SNX30: variants seen among roughly 807,000 people sequenced by gnomAD.
SNX30 encodes sorting nexin family member 30, also known as sorting nexin-30.
In SNX30, 24 loss-of-function variants were observed where a neutral mutation model predicts 46.4. That is an observed-to-expected ratio of 0.52 (90% confidence interval 0.37 to 0.73). SNX30 has a LOEUF of 0.73. Ranked by LOEUF, SNX30 falls within the 30% of genes least tolerant of loss-of-function variation. The probability of loss-of-function intolerance (pLI) is 0.00; values close to 1 mark genes in which losing one functional copy is unlikely to be tolerated. For synonymous variants in SNX30, 189 were observed against 211.5 expected (o/e 0.89, Z 0.92); for missense variants, 533 against 555.7 (o/e 0.96, Z 0.41).
chr9:112,776,726 G>C (rs1368361245), intron 1 of SNX30, among the ~76,000 whole-genome samples: 1 of 152,248 alleles, frequency 6.6e-6, no homozygotes, highest in Non-Finnish European at 1.5e-5. Context: ...TAGGGGTGGG[G>C]TAAGTCTGAG....
intron 1 of SNX30, among the ~76,000 whole-genome samples, chr9:112,762,767 G>C (rs549170949): frequency 6.6e-6 from 1 of 152,234 alleles, no homozygotes; most frequent in Non-Finnish European, 1.5e-5. Context: ...GCAAGGCAGC[G>C]AGACAGGGAA....
At chr9:112,884,107 C>G (rs1841615682), downstream of SNX30, among the ~76,000 whole-genome samples, 1 of 152,250 alleles carries the variant, frequency 6.6e-6, no homozygotes, top group African/African-American at 2.4e-5. Context: ...CAGCATCTCC[C>G]TATTGCATCT....
At chr9:112,771,362 A>T (rs574789457) in intron 1 of SNX30, among the ~76,000 whole-genome samples, 1 of 152,352 alleles carries the variant, frequency 6.6e-6, no homozygotes, top group African/African-American at 2.4e-5. Flanking sequence ...TGGTTTTGTA[A>T]ACTATGGTAG....
At chr9:112,775,058 C>T (rs535617336) in intron 1 of SNX30, among the ~76,000 whole-genome samples, 68 of 151,538 alleles carry the variant, frequency 4.5e-4, no homozygotes, top group Non-Finnish European at 4.0e-4. Flanking sequence ...GTTGGTCAGC[C>T]TGGTCTCAAA....
intron 1 of SNX30, among the ~76,000 whole-genome samples, chr9:112,796,027 A>G (rs1374814857): frequency 6.6e-6 from 1 of 152,128 alleles, no homozygotes; most frequent in Non-Finnish European, 1.5e-5. Flanking sequence ...TATGTACAGC[A>G]GGGGAGCTTT....
At position 112,864,268 on chromosome 9, in the gene SNX30, T is replaced by C. The variant is rs753926399; in HGVS notation, c.1123T>C (p.Cys375Arg). ...CCAGGTACCGGCGGACGTCGAGAAA[T>C]GTCAGGATCGGATGGAGTGTTTCAA... ...RPKVPADVEK[C>R]QDRMECFNAD... is the part of the protein sequence containing the mutation. Residue 375 changes from cysteine (C) to arginine (R), a missense_variant, in exon 8 of 9, where the codon TGT becomes CGT. By Grantham distance (180) the Cys-to-Arg change is radical. Transcript: ENST00000374232. The C allele has an allele frequency of 1.2e-6, 2 of 1,613,840 alleles. No individual in the cohort carries two copies. The highest frequency in any genetic ancestry group is 1.7e-6 in the Non-Finnish European group (2 of 1,179,978).
At chr9:112,816,537 CAA>C (rs1425472520) in intron 2 of SNX30, among the ~76,000 whole-genome samples, 1 of 152,130 alleles carries the variant, frequency 6.6e-6, no homozygotes, top group Non-Finnish European at 1.5e-5. Context: ...AGAGGGGAAA[CAA>C]TGCAGTTAGT....
At chr9:112,805,761 G>A (rs888231828) in intron 2 of SNX30, among the ~76,000 whole-genome samples, 5 of 152,226 alleles carry the variant, frequency 3.3e-5, no homozygotes, top group East Asian at 3.9e-4. Flanking sequence ...GAGCCACCAC[G>A]CCCAGCCAAG....
At chr9:112,782,275 A>G (rs968830486) in intron 1 of SNX30, among the ~76,000 whole-genome samples, 1 of 152,170 alleles carries the variant, frequency 6.6e-6, no homozygotes, top group African/African-American at 2.4e-5. Context: ...CATGTTGGTC[A>G]GGCTGGTCTC....
intron 3 of SNX30, among the ~76,000 whole-genome samples, chr9:112,824,317 A>G (rs1042568071): frequency 2.5e-5 from 3 of 119,424 alleles, no homozygotes; most frequent in African/African-American, 8.8e-5. Context: ...GGATTATTGT[A>G]ATACTTTGCA....
intron 1 of SNX30, among the ~76,000 whole-genome samples, chr9:112,789,296 C>T (rs527491224): frequency 8.5e-5 from 13 of 152,256 alleles, no homozygotes; most frequent in Non-Finnish European, 1.8e-4. Context: ...AAATGCCTCT[C>T]GCCCTTGATT....
chr9:112,845,906 C>T (rs1219933277), intron 6 of SNX30, among the ~76,000 whole-genome samples: 1 of 151,950 alleles, frequency 6.6e-6, no homozygotes, highest in Non-Finnish European at 1.5e-5. Flanking sequence ...AGAAGTAAAA[C>T]AAAGAAGAAA....
chr9:112,781,358 T>C (rs117505978), intron 1 of SNX30, among the ~76,000 whole-genome samples: 230 of 152,372 alleles, frequency 1.5e-3, no homozygotes, highest in Non-Finnish European at 3.0e-3. Context: ...TATTTTCATG[T>C]ATGTTCAAAT....
intron 7 of SNX30, among the ~76,000 whole-genome samples, chr9:112,862,984 CCTGGTT>C (rs1426374050): frequency 5.9e-5 from 9 of 152,136 alleles, no homozygotes; most frequent in African/African-American, 2.2e-4. Flanking sequence ...TCCAGCTCAT[CCTGGTT>C]TCACCCATGT....
chr9:112,795,177 T>C (rs1840087627), intron 1 of SNX30, among the ~76,000 whole-genome samples: 1 of 151,666 alleles, frequency 6.6e-6, no homozygotes, highest in Non-Finnish European at 1.5e-5. Flanking sequence ...TGTGTGTGTC[T>C]GTGTGTGTGT....
At chr9:112,779,123 G>A (rs1839802260) in intron 1 of SNX30, among the ~76,000 whole-genome samples, 1 of 152,260 alleles carries the variant, frequency 6.6e-6, no homozygotes. Flanking sequence ...TGTGATGTGA[G>A]GTGGCGAAAG....
In SNX30 at chr9:112,830,880, T is replaced by C. The variant is rs777310748; in HGVS notation, c.615T>C (p.Ala205=). ...FNEHFNIFLT[A]KDLNAYKKQG... is the part of the protein sequence containing the mutation. The stretch of plus-strand genomic sequence containing the variant: ...AACACTTTAATATTTTCCTTACTGC[T>C]AAGGTAAGGGCAGAAATTTACATCC... The change falls in exon 4 of 9, where the codon GCT becomes GCC. Residue 205 remains alanine (A), a synonymous_variant. Coordinates refer to ENST00000374232, the MANE Select transcript of SNX30 (RefSeq NM_001012994.2). 1 of 1,608,246 alleles carries C rather than the reference T, an allele frequency of 6.2e-7. No homozygotes were observed. Among genetic ancestry groups the C allele is most frequent in the Non-Finnish European group, 8.5e-7 (1 of 1,178,156 alleles).
At chr9:112,863,026 A>G (rs1229015410) in intron 7 of SNX30, among the ~76,000 whole-genome samples, 4 of 151,998 alleles carry the variant, frequency 2.6e-5, no homozygotes, top group Admixed American at 2.0e-4. Flanking sequence ...GGCACATTCA[A>G]ATTCACTTGC....
At chr9:112,806,991 C>T (rs1435274443) in intron 2 of SNX30, among the ~76,000 whole-genome samples, 1 of 148,710 alleles carries the variant, frequency 6.7e-6, no homozygotes, top group Non-Finnish European at 1.5e-5. Flanking sequence ...TATCTTTTCT[C>T]TATGGACATT....
Sources: allele counts gnomAD v4.1 joint callset (sites outside exome capture counted in the v4.1 genomes callset), GRCh38; gene constraint gnomAD v4.1.1; transcripts MANE v1.5; gene names NCBI Gene and HGNC (gene_info 2026-07-23, HGNC 2026-07-21).